The following TRIM2 variants were observed in gnomAD, a reference collection of about 807,000 sequenced individuals.
The protein encoded by TRIM2 is tripartite motif-containing protein 2.
TRIM2 carries 20 observed loss-of-function variants against 75.2 expected under a neutral mutation model. The observed-to-expected ratio is 0.27, with a 90% confidence interval of 0.19 to 0.39. TRIM2 has a LOEUF of 0.39. Ranked by LOEUF, TRIM2 falls within the 10% of genes least tolerant of loss-of-function variation. The pLI is 1.00. For synonymous variants in TRIM2, 373 were observed against 388.3 expected (o/e 0.96, Z 0.46); for missense variants, 660 against 990.8 (o/e 0.67, Z 4.48).
intron 3 of TRIM2, among the ~76,000 whole-genome samples, chr4:153,282,592 A>G (rs1759584109): frequency 6.6e-6 from 1 of 152,118 alleles, no homozygotes. Flanking sequence ...AAAATTTAAT[A>G]TTTCAACAAT....
intron 1 of TRIM2, among the ~76,000 whole-genome samples, chr4:153,256,067 C>G (rs902184671): frequency 1.3e-5 from 2 of 152,108 alleles, no homozygotes; most frequent in Non-Finnish European, 2.9e-5. Context: ...TATGAATATA[C>G]TAAAAGCCAT....
intron 6 of TRIM2, chr4:153,308,112 G>C (rs545705718): frequency 1.7e-5 from 16 of 959,508 alleles, no homozygotes; most frequent in South Asian, 1.0e-4. Flanking sequence ...GCTCCGCTCG[G>C]TCATGACGCT....
At chr4:153,314,336 C>T (rs1443943317) in intron 6 of TRIM2, among the ~76,000 whole-genome samples, 1 of 139,462 alleles carries the variant, frequency 7.2e-6, no homozygotes. Context: ...AGGAGAATGG[C>T]GTGAACCCGG....
chr4:153,300,800 T>TG (rs1763734090), intron 6 of TRIM2, among the ~76,000 whole-genome samples: 1 of 152,082 alleles, frequency 6.6e-6, no homozygotes, highest in Non-Finnish European at 1.5e-5. Context: ...TGAGATTACA[T>TG]TTTTTATATA....
At chr4:153,250,375 C>A (rs1422452474) in intron 1 of TRIM2, among the ~76,000 whole-genome samples, 1 of 152,182 alleles carries the variant, frequency 6.6e-6, no homozygotes, top group Non-Finnish European at 1.5e-5. Context: ...CCACCTTGGC[C>A]TCCAAAAGTG....
At chr4:153,318,636 T>C (rs1008073440) in intron 8 of TRIM2, among the ~76,000 whole-genome samples, 1 of 152,216 alleles carries the variant, frequency 6.6e-6, no homozygotes, top group African/African-American at 2.4e-5. Context: ...AATGTTTATA[T>C]AGTTTGGAGG....
intron 2 of TRIM2, among the ~76,000 whole-genome samples, chr4:153,274,691 C>T (rs1027340674): frequency 6.6e-6 from 1 of 152,128 alleles, no homozygotes; most frequent in African/African-American, 2.4e-5. Context: ...TCAGAAAAGA[C>T]AGAGCAGACA....
intron 3 of TRIM2, among the ~76,000 whole-genome samples, chr4:153,280,014 C>T (rs1758901404): frequency 6.6e-6 from 1 of 151,304 alleles, no homozygotes; most frequent in Non-Finnish European, 1.5e-5. Flanking sequence ...GTTGAGGCAG[C>T]AATGAGCTGT....
chr4:153,316,898 T>TTG (rs1767740644), intron 8 of TRIM2, among the ~76,000 whole-genome samples: 1 of 144,566 alleles, frequency 6.9e-6, no homozygotes, highest in East Asian at 2.0e-4. Flanking sequence ...TTTTTTTTTT[T>TTG]GAGACGGAGT....
At chr4:153,190,872 G>C (rs986632624) in intron 1 of TRIM2, among the ~76,000 whole-genome samples, 1 of 152,030 alleles carries the variant, frequency 6.6e-6, no homozygotes. Context: ...CGGGTAGCTG[G>C]GGTTACAAGT....
intron 1 of TRIM2, among the ~76,000 whole-genome samples, chr4:153,232,328 G>T (rs189429066): frequency 6.6e-6 from 1 of 151,990 alleles, no homozygotes; most frequent in Non-Finnish European, 1.5e-5. Flanking sequence ...GTGAAACCCC[G>T]TCTCTACTAA....
chr4:153,262,366 C>T (rs566892295), intron 1 of TRIM2, among the ~76,000 whole-genome samples: 37 of 152,092 alleles, frequency 2.4e-4, no homozygotes, highest in African/African-American at 6.5e-4. Context: ...CATAGGAGGT[C>T]GAAGCTGTCT....
chr4:153,241,278 T>C (rs866443198), intron 1 of TRIM2, among the ~76,000 whole-genome samples: 2 of 152,138 alleles, frequency 1.3e-5, no homozygotes, highest in Admixed American at 6.5e-5. Context: ...CAGAGCAGCG[T>C]TGATCACACA....
At chr4:153,251,392 C>G (rs1208408615) in intron 1 of TRIM2, among the ~76,000 whole-genome samples, 1 of 152,236 alleles carries the variant, frequency 6.6e-6, no homozygotes. Context: ...TCCATCATAA[C>G]AATACTTCCT....
intron 10 of TRIM2, among the ~76,000 whole-genome samples, chr4:153,325,417 G>A (rs1769953620): frequency 6.6e-6 from 1 of 152,198 alleles, no homozygotes; most frequent in African/African-American, 2.4e-5. Flanking sequence ...ATTCTCTGCT[G>A]AAACTACTGT....
At chr4:153,178,221 A>C (rs1461275066) in intron 1 of TRIM2, among the ~76,000 whole-genome samples, 1 of 151,970 alleles carries the variant, frequency 6.6e-6, no homozygotes, top group Non-Finnish European at 1.5e-5. Flanking sequence ...CTGTCTCGTA[A>C]TGCAGCTCGG....
At chr4:153,312,103 C>G (rs1766499883) in intron 6 of TRIM2, among the ~76,000 whole-genome samples, 1 of 142,736 alleles carries the variant, frequency 7.0e-6, no homozygotes, top group South Asian at 2.3e-4. Flanking sequence ...TGTGATGTTC[C>G]CCTTCCTGTG....
chr4:153,190,899 A>T (rs557176295), intron 1 of TRIM2, among the ~76,000 whole-genome samples: 24 of 152,114 alleles, frequency 1.6e-4, no homozygotes, highest in African/African-American at 5.8e-4. Flanking sequence ...CATCATGCCC[A>T]GCCAATTTTT....
chr4:153,163,494 TC>T lies in TRIM2; in HGVS notation c.-49+10225del, dbSNP rs556618830. On this transcript the variant is annotated intron_variant, in intron 1 of 11. Coordinates refer to the TRIM2 transcript ENST00000437508. ...CCACTGCACCCAACCTAGATTTACA[TC>T]TTTTTTTTTTTTTTTTTTTTTTTTG... Among the ~76,000 whole-genome samples the T allele has an allele frequency of 5.2e-3, 609 of 117,888 alleles. 9 individuals are homozygous for T. Among genetic ancestry groups the T allele is most frequent in the African/African-American group, 0.016 (510 of 31,746 alleles). 77.3% of individuals were successfully genotyped at this position (117,888 alleles called of 152,430 possible).
Sources: gnomAD v4.1 joint callset for allele counts (sites outside exome capture counted in the v4.1 genomes callset) on GRCh38, gnomAD v4.1.1 for gene constraint, MANE v1.5 for transcripts, NCBI Gene and HGNC (gene_info 2026-07-23, HGNC 2026-07-21) for gene names.